The following RECQL5 variants were observed in gnomAD, a reference collection of about 807,000 sequenced individuals.
The protein encoded by RECQL5 is RecQ like helicase 5, also known as ATP-dependent DNA helicase Q5.
A neutral mutation model predicts 103.4 loss-of-function variants in RECQL5; 88 were observed. That is an observed-to-expected ratio of 0.85 (90% CI 0.72 to 1.02). The LOEUF (loss-of-function observed/expected upper bound fraction) is 1.02, where lower values mean the gene tolerates loss of function less well. Ranked by LOEUF, RECQL5 falls within the 50% of genes least tolerant of loss-of-function variation. The pLI is 0.00. For missense variants in RECQL5, 1,232 were observed against 1,284.3 expected (o/e 0.96, Z 0.62); for synonymous variants, 552 against 507.9 (o/e 1.09, Z -1.17).
At chr17:75,633,951 G>A (rs1270254701) in intron 8 of RECQL5, 2 of 985,682 alleles carry the variant, frequency 2.0e-6, no homozygotes, top group Non-Finnish European at 2.4e-6. Flanking sequence ...GAGGCACCGG[G>A]ACATGAAGTT....
rs775295140 is a variant in RECQL5, at chr17:75,661,633, C to T, written c.847G>A (p.Gly283Ser). ...GCATGGTAAGCCTTGGCGTTCACAC[C>T]CCTGCAGCTGAGCTCTATGGCCAGC... The part of the protein sequence containing the change: ...EQLAIELSCR[G>S]VNAKAYHAGL... Residue 283 changes from glycine (G) to serine (S), a missense_variant, in exon 5 of 20, where the codon GGT becomes AGT. By Grantham distance (56) the Gly-to-Ser change is moderately conservative. Coordinates refer to ENST00000317905, the MANE Select transcript of RECQL5 (RefSeq NM_004259.7). The T allele has an allele frequency of 6.2e-7, 1 of 1,613,984 alleles. No individual in the cohort carries two copies. Among genetic ancestry groups the T allele is most frequent in the Non-Finnish European group, 8.5e-7 (1 of 1,180,036 alleles).
chr17:75,647,681 CT>C, intron 8 of RECQL5: 6 of 993,940 alleles, frequency 6.0e-6, no homozygotes, highest in Non-Finnish European at 8.9e-6. Context: ...TGGTGTCTTC[CT>C]TTCCCATCAG....
At chr17:75,632,507 C>T (rs192847787) in intron 8 of RECQL5, among the ~76,000 whole-genome samples, 12 of 152,348 alleles carry the variant, frequency 7.9e-5, no homozygotes, top group Middle Eastern at 3.4e-3. Flanking sequence ...ATCATCAACC[C>T]GTGAGGGTGT....
At chr17:75,637,735 C>G (rs147182603) in intron 8 of RECQL5, 24 of 152,448 alleles carry the variant, frequency 1.6e-4, no homozygotes, top group African/African-American at 5.5e-4. Context: ...TGGCCGAGCA[C>G]AGCCAGCTGG....
Position 75,665,165 on chromosome 17 carries a change from C to T in RECQL5, c.138G>A (p.Lys46=). 1 of 1,607,884 alleles carries T rather than the reference C, an allele frequency of 6.2e-7. No individual in the cohort carries two copies. Among genetic ancestry groups the T allele is most frequent in the Non-Finnish European group, 8.5e-7 (1 of 1,178,156 alleles). ...SATMAVVKGN[K]DVFVCMPTGA... ...CTGTGGGCATGCACACAAAGACGTC[C>T]TTGTTACCTGAAAAAATACAAGACA... Residue 46 remains lysine, a synonymous_variant, in exon 3 of 20, where the codon AAG becomes AAA. Coordinates refer to ENST00000317905, the MANE Select transcript of RECQL5 (RefSeq NM_004259.7).
rs1221017300 is a variant in RECQL5, at chr17:75,640,528, G to A, written c.1230-8860C>T. On this transcript the variant is annotated intron_variant, in intron 8 of 19. Transcript: ENST00000317905. This position sits in a 1 kb window ranked among gnomAD's most constrained non-coding sequence, Gnocchi z 4.6. ...GGTGATGGGCGGTGCTGGGGACTGG[G>A]CCCAGCAGTACCCCGGGATCCCAAA... 6.6e-6 allele frequency among the ~76,000 whole-genome samples: 1 copy of A among 152,126 alleles called. No individual in the cohort carries two copies.
At chr17:75,655,961 C>T (rs961946757) in intron 7 of RECQL5, among the ~76,000 whole-genome samples, 1 of 152,126 alleles carries the variant, frequency 6.6e-6, no homozygotes. Context: ...GGATTACAGG[C>T]AAGAGCCACT....
At chr17:75,663,727 T>C (rs1956807923) in intron 3 of RECQL5, among the ~76,000 whole-genome samples, 1 of 152,150 alleles carries the variant, frequency 6.6e-6, no homozygotes, top group African/African-American at 2.4e-5. Flanking sequence ...ATAGCATTGT[T>C]GTATAACTTA....
In RECQL5 at chr17:75,640,283, G is replaced by A. The variant is rs1019130962; in HGVS notation, c.1230-8615C>T. 3 of 1,551,326 alleles carry A rather than the reference G, an allele frequency of 1.9e-6. No homozygotes were observed. In the East Asian group the frequency reaches 7.3e-5, roughly 38 times the overall value. ...CAAGCTGCAGAGACTGCCCCAGGCT[G>A]AGCCCGTGGAGATCGTGGCCTTCTC... On this transcript the variant is annotated intron_variant, in intron 8 of 19. Transcript: ENST00000317905. The surrounding 1 kb of genome is among the most constrained non-coding windows in gnomAD (Gnocchi z 4.6).
rs77421619 is a variant in RECQL5, at chr17:75,640,105, G to C, written c.1230-8437C>G. 3 of 1,429,064 alleles carry C rather than the reference G, an allele frequency of 2.1e-6. No individual in the cohort carries two copies. The highest frequency in any genetic ancestry group is 5.1e-4 in the Middle Eastern group (2 of 3,896). The allele number at this position is 1,429,064 out of a possible 1,614,324, so 88.5% of individuals were successfully genotyped here. ...CGGATGGGTGCGAGGGTGGAATCTCGGTGCTGCGACGAGTGTGGGGCCAGC... is the reference window on the plus strand; with the variant it reads ...CGGATGGGTGCGAGGGTGGAATCTCCGTGCTGCGACGAGTGTGGGGCCAGC... On this transcript the variant is annotated intron_variant, in intron 8 of 19. Transcript: ENST00000317905. The surrounding 1 kb of genome is among the most constrained non-coding windows in gnomAD (Gnocchi z 4.6).
intron 6 of RECQL5, among the ~76,000 whole-genome samples, chr17:75,659,873 T>C (rs1261635977): frequency 6.6e-6 from 1 of 152,162 alleles, no homozygotes; most frequent in Non-Finnish European, 1.5e-5. Context: ...TGGCCAGATA[T>C]AAAAGACTTC....
intron 8 of RECQL5, among the ~76,000 whole-genome samples, chr17:75,648,574 C>T (rs916382404): frequency 3.3e-5 from 5 of 151,528 alleles, no homozygotes; most frequent in East Asian, 1.9e-4. Context: ...GGGGTTTCAC[C>T]GTGTTAGCCA....
rs552802350 is a variant in RECQL5 at position 75,663,674 on chromosome 17, T to C, written c.253-677A>G. 2.0e-4 allele frequency among the ~76,000 whole-genome samples: 31 copies of C among 152,332 alleles called. 1 individual carries two copies. In the South Asian group the frequency reaches 3.3e-3, roughly 16 times the overall value. On this transcript the variant is annotated intron_variant, in intron 3 of 19. Coordinates refer to ENST00000317905, the MANE Select transcript of RECQL5 (RefSeq NM_004259.7). ...GCTCACTTAATCGCCACATGCTCGC[T>C]GGCTGTTTCTTACCCTCTGAACGAT...
At chr17:75,663,066 G>C (rs1294499955) in intron 3 of RECQL5, 69 bp from the exon 4 acceptor site, 4 of 1,463,580 alleles carry the variant, frequency 2.7e-6, no homozygotes, top group Non-Finnish European at 3.7e-6. Context: ...AGTCCCTGGA[G>C]GATTTCCCAG....
At position 75,636,138 on chromosome 17, in the gene RECQL5, T is replaced by C. The variant is rs2059317284; in HGVS notation, c.1230-4470A>G. Among the ~76,000 whole-genome samples the C allele has an allele frequency of 6.6e-6, 1 of 152,188 alleles. No homozygotes were observed. The highest frequency in any genetic ancestry group is 6.5e-5 in the Admixed American group (1 of 15,286). Reference sequence around the variant, plus strand: ...CAGGAGGGCCTGGTGGCAGCTGGGCTACACTCCCTCTTAAGGCCAGAGGGA... The same window carrying C: ...CAGGAGGGCCTGGTGGCAGCTGGGCCACACTCCCTCTTAAGGCCAGAGGGA... On this transcript the variant is annotated intron_variant, in intron 8 of 19. Transcript: ENST00000317905. The surrounding 1 kb of genome is among the most constrained non-coding windows in gnomAD (Gnocchi z 5.4).
intron 8 of RECQL5, among the ~76,000 whole-genome samples, chr17:75,644,887 A>T (rs1347938825): frequency 1.3e-5 from 2 of 152,142 alleles, no homozygotes; most frequent in Non-Finnish European, 2.9e-5. Context: ...GAGCTGGTCA[A>T]AGCAACTTTT....
At chr17:75,661,361 G>A (rs930461967) in intron 5 of RECQL5, among the ~76,000 whole-genome samples, 1 of 152,228 alleles carries the variant, frequency 6.6e-6, no homozygotes. Context: ...ACCTTGGCTT[G>A]TAAAAACGTA....
chr17:75,647,726 G>C (rs948729807), intron 8 of RECQL5: 1 of 703,960 alleles, frequency 1.4e-6, no homozygotes, highest in African/African-American at 1.8e-5. Context: ...ATCTGGCTTA[G>C]GGTTGGTCAG....
intron 7 of RECQL5, among the ~76,000 whole-genome samples, chr17:75,654,208 G>T (rs2059589470): frequency 6.6e-6 from 1 of 152,092 alleles, no homozygotes; most frequent in Non-Finnish European, 1.5e-5. Context: ...AAATAGCTTT[G>T]TTTTTCTCCA....
Sources: gnomAD v4.1 joint callset for allele counts (sites outside exome capture counted in the v4.1 genomes callset) on GRCh38, gnomAD v4.1.1 for gene constraint, Gnocchi (gnomAD v3.1) non-coding constraint, MANE v1.5 for transcripts, NCBI Gene and HGNC (gene_info 2026-07-23, HGNC 2026-07-21) for gene names.